Variants in SF3B1 observed in about 807,000 individuals in gnomAD.
SF3B1 encodes the protein splicing factor 3b subunit 1.
A neutral mutation model predicts 153.8 loss-of-function variants in SF3B1; 12 were observed. The observed-to-expected ratio is 0.08, with a 90% confidence interval of 0.05 to 0.13. SF3B1 has a LOEUF of 0.13. Ranked by LOEUF, SF3B1 falls within the 10% of genes least tolerant of loss-of-function variation. The pLI is 1.00. For synonymous variants in SF3B1, 498 were observed against 525.2 expected (o/e 0.95, Z 0.71); for missense variants, 513 against 1,606.1 (o/e 0.32, Z 11.63).
chr2:197,415,334 C>T (rs1198095182), intron 6 of SF3B1, among the ~76,000 whole-genome samples: 2 of 151,954 alleles, frequency 1.3e-5, no homozygotes, highest in East Asian at 1.9e-4. Context: ...CTCACTACAA[C>T]CTCCACCTCC....
rs1207318099 is a variant in SF3B1, at chr2:197,408,183, G to A, written c.1118-64C>T. 10 of 1,439,310 alleles carry A rather than the reference G, an allele frequency of 6.9e-6. No homozygotes were observed. In the East Asian group the frequency reaches 2.1e-4, roughly 30 times the overall value. The allele number at this position is 1,439,310 out of a possible 1,614,324, so 89.2% of individuals were successfully genotyped here. On this transcript the variant is annotated intron_variant, in intron 8 of 24. Transcript: ENST00000335508. The stretch of plus-strand genomic sequence containing the variant: ...AAGACTGTATTATTACATACATTGA[G>A]ATAAAAGACAGTTAAGATCAATCCT...
At position 197,420,554 on chromosome 2, in the gene SF3B1, T is replaced by A. The variant is rs559796853; in HGVS notation, c.301-12A>T. 4.0e-5 allele frequency: 60 copies of A among 1,518,410 alleles called. 1 individual carries two copies. The South Asian group carries it at 6.4e-4, about 16-fold the overall frequency. The allele number at this position is 1,518,410 out of a possible 1,614,324, so 94.1% of individuals were successfully genotyped here. ...GCAAATGGATCATACTGAAAAGAGG[T>A]ATGTCTCACTTAATATCCACTTTAT... On this transcript the variant is annotated splice_polypyrimidine_tract_variant and intron_variant, in intron 3 of 24. Coordinates refer to ENST00000335508, the MANE Select transcript of SF3B1 (RefSeq NM_012433.4).
chr2:197,397,971 T>C lies in SF3B1; in HGVS notation c.3266+14A>G. On this transcript the variant is annotated intron_variant, in intron 22 of 24. Transcript: ENST00000335508. ...TAAAGTAATTTTTTTTTAATGGAAG[T>C]AAATAACACTCACCCAATGGCCTTT... 6.3e-7 allele frequency: 1 copy of C among 1,586,450 alleles called. No individual in the cohort carries two copies. Among genetic ancestry groups the C allele is most frequent in the Non-Finnish European group, 8.6e-7 (1 of 1,167,924 alleles).
At position 197,416,689 on chromosome 2, in the gene SF3B1, A is replaced by G. The variant is rs1000622759; in HGVS notation, c.666+52T>C. On this transcript the variant is annotated intron_variant, in intron 6 of 24. Transcript: ENST00000335508. ...CAACCCAAGCAGACTAATACAGTCC[A>G]TAACAGAAAAAAATTTTTTAACAGT... is the stretch of plus-strand genomic sequence containing the variant. 33 of 1,548,238 alleles carry G rather than the reference A, an allele frequency of 2.1e-5. No homozygotes were observed. The East Asian group carries it at 3.8e-4, about 18-fold the overall frequency.
chr2:197,428,736 A>G (rs1490342221), intron 1 of SF3B1, among the ~76,000 whole-genome samples: 1 of 152,160 alleles, frequency 6.6e-6, no homozygotes, highest in Non-Finnish European at 1.5e-5. Flanking sequence ...TTCACTAAAA[A>G]TACAAAAATT....
chr2:197,420,751 C>T (rs1185377465), intron 3 of SF3B1, among the ~76,000 whole-genome samples: 1 of 152,132 alleles, frequency 6.6e-6, no homozygotes, highest in Non-Finnish European at 1.5e-5. Flanking sequence ...TAGTTCAATG[C>T]TTCATTAAAT....
chr2:197,420,290 A>C, intron 4 of SF3B1, 138 bp downstream of exon 4: 2 of 609,162 alleles, frequency 3.3e-6, no homozygotes, highest in Middle Eastern at 5.7e-4. Flanking sequence ...CTTCAACCAC[A>C]TCTATACAAA....
At chr2:197,428,927 C>T (rs994145872) in intron 1 of SF3B1, among the ~76,000 whole-genome samples, 4 of 151,650 alleles carry the variant, frequency 2.6e-5, no homozygotes, top group African/African-American at 7.3e-5. Context: ...GCCAAGATCA[C>T]GCCACTGCAC....
At chr2:197,406,482 C>T in intron 9 of SF3B1, among the ~76,000 whole-genome samples, 1 of 152,076 alleles carries the variant, frequency 6.6e-6, no homozygotes, top group East Asian at 1.9e-4. Flanking sequence ...GATGTGAGGC[C>T]TAGAGAAATC....
chr2:197,425,577 A>ACC (rs11464752), intron 1 of SF3B1, among the ~76,000 whole-genome samples: 11 of 151,772 alleles, frequency 7.2e-5, no homozygotes, highest in South Asian at 2.1e-4. Flanking sequence ...AAAACCTCCC[A>ACC]CCCCCCCAGC....
intron 20 of SF3B1, chr2:197,398,925 A>T (rs1383533862): frequency 8.9e-6 from 5 of 564,272 alleles, no homozygotes; most frequent in Non-Finnish European, 1.6e-5. Flanking sequence ...AGCCAGAGGT[A>T]AACATGTAAA....
intron 9 of SF3B1, among the ~76,000 whole-genome samples, chr2:197,406,584 G>A (rs1334292516): frequency 2.0e-5 from 3 of 152,084 alleles, no homozygotes; most frequent in Admixed American, 2.0e-4. Context: ...TTATTAGTAG[G>A]ATTCACTAAG....
At chr2:197,414,108 CT>C (rs1451347441) in intron 6 of SF3B1, among the ~76,000 whole-genome samples, 1 of 151,990 alleles carries the variant, frequency 6.6e-6, no homozygotes, top group Non-Finnish European at 1.5e-5. Context: ...CTGCCCAGCC[CT>C]TAATGTTTTG....
intron 5 of SF3B1, among the ~76,000 whole-genome samples, 197 bp from the exon 6 acceptor site, chr2:197,417,108 A>C (rs2085159060): frequency 6.6e-6 from 1 of 152,202 alleles, no homozygotes. Flanking sequence ...CTTTCTAAAC[A>C]AAAGATAAGC....
intron 6 of SF3B1, among the ~76,000 whole-genome samples, chr2:197,416,072 A>G (rs1016860301): frequency 6.8e-6 from 1 of 147,596 alleles, no homozygotes; most frequent in Non-Finnish European, 1.5e-5. Context: ...TCCCACCTGG[A>G]CCCCCAAAGT....
chr2:197,392,502 A>G, intron 24 of SF3B1, 41 bp from the exon 25 acceptor site: 2 of 881,662 alleles, frequency 2.3e-6, no homozygotes. Flanking sequence ...ATTTTTAAGA[A>G]CATACATAAC....
At chr2:197,410,067 CATAAA>C (rs2085045402) in intron 6 of SF3B1, 60 bp from the exon 7 acceptor site, 1 of 1,226,122 alleles carries the variant, frequency 8.2e-7, no homozygotes, top group Admixed American at 2.2e-5. Flanking sequence ...AGAAAATTTC[CATAAA>C]ATAAAAAACT....
chr2:197,393,347 A>G lies in SF3B1; in HGVS notation c.3540-159T>C, dbSNP rs192583045. 4 of 621,366 alleles carry G rather than the reference A, an allele frequency of 6.4e-6. No homozygotes were observed. In the East Asian group the frequency reaches 1.1e-4, roughly 17 times the overall value. The allele number at this position is 621,366 out of a possible 1,614,324, so 38.5% of individuals were successfully genotyped here. On this transcript the variant is annotated intron_variant, in intron 23 of 24. Coordinates refer to ENST00000335508, the MANE Select transcript of SF3B1 (RefSeq NM_012433.4). Reference sequence around the variant, plus strand: ...CTGAATAGATGTGAAGTCATCTAACATTTCATATATCTAATATATCCTTTA... The same window carrying G: ...CTGAATAGATGTGAAGTCATCTAACGTTTCATATATCTAATATATCCTTTA...
rs2105983326 is a variant in SF3B1, at chr2:197,401,093, G to T, written c.2497-157C>A. 6.6e-6 allele frequency among the ~76,000 whole-genome samples: 1 copy of T among 152,292 alleles called. No homozygotes were observed. The highest frequency in any genetic ancestry group is 2.1e-4 in the South Asian group (1 of 4,822). ...ACTTATTAAAGTTGAAGAGAAAAGT[G>T]ACCAAACATCGAAAAATGAGTATAA... On this transcript the variant is annotated intron_variant, in intron 17 of 24. Coordinates refer to ENST00000335508, the MANE Select transcript of SF3B1 (RefSeq NM_012433.4). This position sits in a 1 kb window ranked among gnomAD's most constrained non-coding sequence, Gnocchi z 4.2.
Sources: gnomAD v4.1 joint callset for allele counts (sites outside exome capture counted in the v4.1 genomes callset) on GRCh38, gnomAD v4.1.1 for gene constraint, Gnocchi (gnomAD v3.1) non-coding constraint, MANE v1.5 for transcripts, NCBI Gene and HGNC (gene_info 2026-07-23, HGNC 2026-07-21) for gene names.